The following MIDN variants were observed in gnomAD, a reference collection of about 807,000 sequenced individuals.
MIDN encodes midnolin.
Under a neutral mutation model 46.1 loss-of-function variants are expected in MIDN, and 26 were observed. The ratio of observed to expected loss-of-function variants is 0.56; its 90% CI spans 0.41 to 0.78. The LOEUF (loss-of-function observed/expected upper bound fraction) is 0.78, where lower values mean the gene tolerates loss of function less well. MIDN is among the 30% of genes least tolerant of loss of function. MIDN has a pLI of 0.00. For missense variants in MIDN, 850 were observed against 771.8 expected (o/e 1.10, Z -1.20); for synonymous variants, 432 against 343.3 (o/e 1.26, Z -2.86).
At chr19:1,254,137 C>A in intron 5 of MIDN, 30 bp from the exon 6 acceptor site, 1 of 1,577,942 alleles carries the variant, frequency 6.3e-7, no homozygotes, top group Non-Finnish European at 8.6e-7. Context: ...CAAGCTGGGG[C>A]TCCCAGCTGA....
Position 1,255,576 on chromosome 19 carries a change from CCCGGCCTCA to C in MIDN, c.1147_1155del (p.Ser383_Ala385del), listed in dbSNP as rs1303069626. On this transcript the variant is annotated inframe_deletion, in exon 8 of 9. Coordinates refer to ENST00000682408, the MANE Select transcript of MIDN (RefSeq NM_001388306.1). ...AGCTCCGCTGCCACGCCCAGTGCTC[CCCGGCCTCA>C]CCGGCCCCCGACCTGGCCCCCAGAA... 5 of 1,611,402 alleles carry C rather than the reference CCCGGCCTCA, an allele frequency of 3.1e-6. No individual in the cohort carries two copies. The highest frequency in any genetic ancestry group is 4.2e-6 in the Non-Finnish European group (5 of 1,179,554).
At position 1,254,192 on chromosome 19, in the gene MIDN, C is replaced by T; in HGVS notation, c.539C>T (p.Ser180Leu). The change falls in exon 6 of 9, where the codon TCG becomes TTG. Residue 180 changes from serine to leucine, a missense_variant. Coordinates refer to ENST00000682408, the MANE Select transcript of MIDN (RefSeq NM_001388306.1). ...GTCAGTGACTTCCTGTCGGGCCGTT[C>T]GCCACTGACACTGGCCTTGCGTGTG... ...PQVSDFLSGR[S>L]PLTLALRVGD... is the part of the protein sequence containing the mutation. 2 of 1,598,392 alleles carry T rather than the reference C, an allele frequency of 1.3e-6. No individual in the cohort carries two copies. Among genetic ancestry groups the T allele is most frequent in the East Asian group, 2.2e-5 (1 of 44,668 alleles).
chr19:1,251,277 C>T (rs2081124230), intron 2 of MIDN: 10 of 445,220 alleles, frequency 2.2e-5, no homozygotes, highest in East Asian at 1.4e-4. Flanking sequence ...CACACTGGGG[C>T]CCAGAGGAGG....
Position 1,250,152 on chromosome 19 carries a change from G to A in MIDN, c.-145G>A, listed in dbSNP as rs1290373428. The stretch of plus-strand genomic sequence containing the variant: ...ATTTCGGTCTCGCATTCCGCGGCCG[G>A]GACTTTCTCGAGGAGGACGCGCGCT... On this transcript the variant is annotated 5_prime_UTR_variant, in exon 2 of 9. Transcript: ENST00000682408. The A allele has an allele frequency of 1.5e-5, 3 of 194,364 alleles. No individual in the cohort carries two copies. Among genetic ancestry groups the A allele is most frequent in the African/African-American group, 4.7e-5 (2 of 42,126 alleles). The allele number at this position is 194,364 out of a possible 1,614,324, so 12.0% of individuals were successfully genotyped here. A position where few individuals can be genotyped will look rare whatever the true frequency, so the allele number is the denominator to read the frequency against.
At chr19:1,254,700 G>A (rs1291919711) in intron 6 of MIDN, among the ~76,000 whole-genome samples, 1 of 152,066 alleles carries the variant, frequency 6.6e-6, no homozygotes, top group African/African-American at 2.4e-5. Flanking sequence ...TGGACCAGTA[G>A]ATGATCTCTT....
chr19:1,257,099 G>T lies in MIDN; in HGVS notation c.1363G>T (p.Ala455Ser). The change falls in exon 9 of 9, where the codon GCG becomes TCG. Residue 455 changes from alanine to serine, a missense_variant. Physicochemically the swap from Ala to Ser is moderately conservative, Grantham distance 99. Coordinates refer to ENST00000682408, the MANE Select transcript of MIDN (RefSeq NM_001388306.1). ...KRLRRKARRD[A>S]RGPYHWSPSR... Reference sequence around the variant, plus strand: ...GCTCCGTAGAAAGGCCCGGCGGGACGCGCGGGGTCCGTACCACTGGTCACC... The same window carrying T: ...GCTCCGTAGAAAGGCCCGGCGGGACTCGCGGGGTCCGTACCACTGGTCACC... 1 of 1,612,034 alleles carries T rather than the reference G, an allele frequency of 6.2e-7. No individual in the cohort carries two copies. Among genetic ancestry groups the T allele is most frequent in the Non-Finnish European group, 8.5e-7 (1 of 1,179,696 alleles).
In MIDN at chr19:1,257,294, C is replaced by G. The variant is rs371426361; in HGVS notation, c.*22C>G. 2 of 1,605,390 alleles carry G rather than the reference C, an allele frequency of 1.2e-6. No individual in the cohort carries two copies. Among genetic ancestry groups the G allele is most frequent in the African/African-American group, 1.3e-5 (1 of 74,720 alleles). On this transcript the variant is annotated 3_prime_UTR_variant, in exon 9 of 9. Coordinates refer to ENST00000682408, the MANE Select transcript of MIDN (RefSeq NM_001388306.1). ...TTAGGATCTTCGGATCGGCCACCCT[C>G]GCCCCTCGCACCCCAGCCCAGGGCG...
chr19:1,251,958 C>T, intron 4 of MIDN, 57 bp downstream of exon 4: 5 of 1,467,788 alleles, frequency 3.4e-6, no homozygotes, highest in South Asian at 1.2e-5. Flanking sequence ...GGTGCCTTGG[C>T]CACCGACGGG....
In MIDN at chr19:1,251,640, G is replaced by A. The variant is rs769027981; in HGVS notation, c.312G>A (p.Ala104=). 8 of 1,609,026 alleles carry A rather than the reference G, an allele frequency of 5.0e-6. No homozygotes were observed. The highest frequency in any genetic ancestry group is 1.1e-5 in the South Asian group (1 of 90,570). Residue 104 remains alanine (A), a synonymous_variant, in exon 3 of 9, where the codon GCG becomes GCA. Transcript: ENST00000682408. The part of the protein sequence containing the change: ...SKLTLVPTVE[A]GLMSQASRPE... ...TGACCTTGGTACCCACCGTGGAAGC[G>A]GGCCTCATGGTAAATGGCCATGGGG...
Position 1,257,044 on chromosome 19 carries a change from A to G in MIDN, c.1308A>G (p.Glu436=). The change falls in exon 9 of 9, where the codon GAA becomes GAG. Residue 436 remains glutamate, a synonymous_variant. Coordinates refer to ENST00000682408, the MANE Select transcript of MIDN (RefSeq NM_001388306.1). ...ACCGCGCCACGCGCTGCAAGGTGGA[A>G]CGGCTGCAGCTGCTTCTGCAGCAGA... The part of the protein sequence containing the change: ...TENRATRCKV[E]RLQLLLQQKR... 1.2e-6 allele frequency: 2 copies of G among 1,612,142 alleles called. No individual in the cohort carries two copies. Among genetic ancestry groups the G allele is most frequent in the Non-Finnish European group, 1.7e-6 (2 of 1,179,880 alleles).
At chr19:1,253,016 G>A (rs1385899894) in intron 4 of MIDN, among the ~76,000 whole-genome samples, 1 of 135,726 alleles carries the variant, frequency 7.4e-6, no homozygotes, top group African/African-American at 2.8e-5. Flanking sequence ...GGGCGCCTGC[G>A]TCAGGAAGGA....
chr19:1,250,430 TG>T lies in MIDN; in HGVS notation c.136del (p.Ala46ProfsTer51). Reference sequence around the variant, plus strand: ...AGCACCACGGGCACCCGCTACGACCTGGCCGTGCCGCCCGACGAGACGGTGG... The same window carrying T: ...AGCACCACGGGCACCCGCTACGACCTGCCGTGCCGCCCGACGAGACGGTGG... Reference protein sequence around the residue: ...IHSTTGTRYDLAVPPDETVEG... With the variant: ...IHSTTGTRYDXAVPPDETVEG... On this transcript the variant is annotated frameshift_variant, in exon 2 of 9. Coordinates refer to ENST00000682408, the MANE Select transcript of MIDN (RefSeq NM_001388306.1). LOFTEE classifies it high-confidence loss of function. 1 of 1,376,486 alleles carries T rather than the reference TG, an allele frequency of 7.3e-7. No individual in the cohort carries two copies. Among genetic ancestry groups the T allele is most frequent in the Non-Finnish European group, 9.6e-7 (1 of 1,043,206 alleles). The allele number at this position is 1,376,486 out of a possible 1,614,324, so 85.3% of individuals were successfully genotyped here. A position where few individuals can be genotyped will look rare whatever the true frequency, so the allele number is the denominator to read the frequency against.
At chr19:1,253,043 C>T (rs1236240978) in intron 4 of MIDN, among the ~76,000 whole-genome samples, 4 of 49,262 alleles carry the variant, frequency 8.1e-5, no homozygotes, top group African/African-American at 3.4e-4. Flanking sequence ...TTGGGGGGGG[C>T]TGGAGGGGGT....
intron 1 of MIDN, among the ~76,000 whole-genome samples, chr19:1,249,197 C>T (rs1173991144): frequency 6.7e-6 from 1 of 148,382 alleles, no homozygotes; most frequent in Non-Finnish European, 1.5e-5. Flanking sequence ...TGCCCGCGGC[C>T]GGCGGGTGGG....
chr19:1,257,538 C>CTCCTCT lies in MIDN; in HGVS notation c.*266_*267insTCCTCT, dbSNP rs113517572. 626 of 430,202 alleles carry CTCCTCT rather than the reference C, an allele frequency of 1.5e-3. 20 individuals carry two copies. The South Asian group carries it at 0.017, about 12-fold the overall frequency. The allele number at this position is 430,202 out of a possible 1,614,324, so 26.6% of individuals were successfully genotyped here. A position where few individuals can be genotyped will look rare whatever the true frequency, so the allele number is the denominator to read the frequency against. ...CCTCTTCCTCCTCCTCCTCCTCCTC[C>CTCCTCT]GTCTGTCTCCTTTCACCTCTGCGCC... is the stretch of plus-strand genomic sequence containing the variant. On this transcript the variant is annotated 3_prime_UTR_variant, in exon 9 of 9. Coordinates refer to ENST00000682408, the MANE Select transcript of MIDN (RefSeq NM_001388306.1).
chr19:1,256,065 T>C (rs2081195557), intron 8 of MIDN, among the ~76,000 whole-genome samples: 1 of 152,184 alleles, frequency 6.6e-6, no homozygotes, highest in South Asian at 2.1e-4. Flanking sequence ...ACAACCCCCC[T>C]GCCAGCCTGG....
In MIDN at chr19:1,258,022, AGGGAGAGGGGAACTACCCCCCC is replaced by A. The variant is rs2081222574; in HGVS notation, c.*751_*772del. ...GGCATGGCACCCTTTCCTGTCGGGAAGGGAGAGGGGAACTACCCCCCCAGCCTGCCCTCCGCCCCGCCCCAGC... is the reference window on the plus strand; with the variant it reads ...GGCATGGCACCCTTTCCTGTCGGGAAAGCCTGCCCTCCGCCCCGCCCCAGC... On this transcript the variant is annotated 3_prime_UTR_variant, in exon 9 of 9. Coordinates refer to ENST00000682408, the MANE Select transcript of MIDN (RefSeq NM_001388306.1). 6.6e-6 allele frequency: 1 copy of A among 152,408 alleles called. No homozygotes were observed. The highest frequency in any genetic ancestry group is 1.5e-5 in the Non-Finnish European group (1 of 68,044). The allele number at this position is 152,408 out of a possible 1,614,324, so 9.4% of individuals were successfully genotyped here.
intron 4 of MIDN, among the ~76,000 whole-genome samples, chr19:1,253,045 G>GA (rs1555748629): frequency 2.2e-5 from 1 of 46,444 alleles, no homozygotes; most frequent in Non-Finnish European, 4.5e-5. Flanking sequence ...GGGGGGGGCT[G>GA]GAGGGGGTGC....
chr19:1,253,044 T>TGGGTGGGGGGGGGGGG (rs111898804), intron 4 of MIDN, among the ~76,000 whole-genome samples: 1 of 131,776 alleles, frequency 7.6e-6, no homozygotes, highest in African/African-American at 3.3e-5. Flanking sequence ...TGGGGGGGGC[T>TGGGTGGGGGGGGGGGG]GGAGGGGGTG....
Sources: allele counts gnomAD v4.1 joint callset (sites outside exome capture counted in the v4.1 genomes callset), GRCh38; gene constraint gnomAD v4.1.1; transcripts MANE v1.5; gene names NCBI Gene and HGNC (gene_info 2026-07-23, HGNC 2026-07-21).